The following DNER variants were observed in gnomAD, a reference collection of about 807,000 sequenced individuals.
The protein encoded by DNER is delta/notch like EGF repeat containing, also known as delta and Notch-like epidermal growth factor-related receptor.
Under a neutral mutation model 78.2 loss-of-function variants are expected in DNER, and 33 were observed. The ratio of observed to expected loss-of-function variants is 0.42; its 90% CI spans 0.32 to 0.56. The LOEUF (loss-of-function observed/expected upper bound fraction) is 0.56, where lower values mean the gene tolerates loss of function less well. Ranked by LOEUF, DNER falls within the 20% of genes least tolerant of loss-of-function variation. DNER has a pLI of 0.11. For synonymous variants in DNER, 417 were observed against 384.8 expected, an observed-to-expected ratio of 1.08 and a Z score of -0.98; for missense variants, 918 against 975.3, an observed-to-expected ratio of 0.94 and a Z score of 0.78.
chr2:229,495,036 C>T (rs1695470964), intron 6 of DNER, among the ~76,000 whole-genome samples: 1 of 152,310 alleles, frequency 6.6e-6, no homozygotes, highest in East Asian at 1.9e-4. Context: ...ACAACTTTCT[C>T]ATTTTTTTGC....
intron 10 of DNER, among the ~76,000 whole-genome samples, chr2:229,393,698 T>C (rs1338353906): frequency 6.6e-6 from 1 of 151,818 alleles, no homozygotes; most frequent in Non-Finnish European, 1.5e-5. Flanking sequence ...ATACAAAAAA[T>C]TAGCCAGGCG....
At chr2:229,511,806 T>C (rs1183322602) in intron 6 of DNER, among the ~76,000 whole-genome samples, 2 of 152,208 alleles carry the variant, frequency 1.3e-5, no homozygotes, top group Non-Finnish European at 2.9e-5. Flanking sequence ...AATGGGGTAA[T>C]GCTGAAACAG....
At chr2:229,474,311 A>G (rs1241507788) in intron 7 of DNER, among the ~76,000 whole-genome samples, 2 of 152,234 alleles carry the variant, frequency 1.3e-5, no homozygotes, top group Non-Finnish European at 2.9e-5. Context: ...CAGCTTAAAA[A>G]ATGCCAGTCA....
At chr2:229,500,273 A>G (rs1695590509) in intron 6 of DNER, among the ~76,000 whole-genome samples, 1 of 152,152 alleles carries the variant, frequency 6.6e-6, no homozygotes, top group Non-Finnish European at 1.5e-5. Flanking sequence ...AATGGCCAAC[A>G]AGTATATGAA....
intron 1 of DNER, among the ~76,000 whole-genome samples, chr2:229,681,827 A>AACACTCAC (rs1699391265): frequency 6.9e-6 from 1 of 144,350 alleles, no homozygotes; most frequent in Admixed American, 6.9e-5. Flanking sequence ...CTCTGCCTAA[A>AACACTCAC]ACACACACAC....
chr2:229,395,570 C>T (rs1338153481), intron 10 of DNER, among the ~76,000 whole-genome samples: 1 of 152,166 alleles, frequency 6.6e-6, no homozygotes, highest in Non-Finnish European at 1.5e-5. Context: ...TGTACCTGCT[C>T]AAGTGTTCAG....
chr2:229,591,682 C>A lies in DNER; in HGVS notation c.483G>T (p.Glu161Asp), dbSNP rs566365683. 6.2e-6 allele frequency: 10 copies of A among 1,614,214 alleles called. No homozygotes were observed. Among genetic ancestry groups the A allele is most frequent in the Non-Finnish European group, 6.8e-6 (8 of 1,180,030 alleles). ...GAGAGCGAGGCAGGATTTTGTCAGGCTCCTGAGTAGCAGGAACAGGCTGAA... is the reference window on the plus strand; with the variant it reads ...GAGAGCGAGGCAGGATTTTGTCAGGATCCTGAGTAGCAGGAACAGGCTGAA... ...RQLQPVPATQ[E>D]PDKILPRSQA... Residue 161 changes from glutamate to aspartate, a missense_variant, in exon 2 of 13, where the codon GAG becomes GAT. By Grantham distance (45) the Glu-to-Asp change is conservative. Transcript: ENST00000341772. This position sits in a 1 kb window ranked among gnomAD's most constrained non-coding sequence, Gnocchi z 4.6.
intron 7 of DNER, among the ~76,000 whole-genome samples, chr2:229,473,852 C>T (rs1372116327): frequency 6.6e-6 from 1 of 152,204 alleles, no homozygotes; most frequent in Non-Finnish European, 1.5e-5. Context: ...TCTGCTCAGA[C>T]TTGCTCTCAG....
At chr2:229,418,391 A>T (rs1693694332) in intron 8 of DNER, among the ~76,000 whole-genome samples, 161 bp from the exon 9 acceptor site, 1 of 152,176 alleles carries the variant, frequency 6.6e-6, no homozygotes, top group East Asian at 1.9e-4. Context: ...TGAAAGGTGG[A>T]TTTGGGGGAA....
At chr2:229,365,414 G>A (rs1692322589) in intron 12 of DNER, among the ~76,000 whole-genome samples, 1 of 152,172 alleles carries the variant, frequency 6.6e-6, no homozygotes, top group African/African-American at 2.4e-5. Flanking sequence ...GTGGATATGT[G>A]CTGTTGAGAT....
chr2:229,673,957 C>T (rs1468524111), intron 1 of DNER, among the ~76,000 whole-genome samples: 1 of 152,220 alleles, frequency 6.6e-6, no homozygotes, highest in East Asian at 1.9e-4. Context: ...AGAGAGAGGA[C>T]AGGTATTTGT....
At chr2:229,703,354 AACGAAAACTACCCAT>A (rs1296860140) in intron 1 of DNER, among the ~76,000 whole-genome samples, 1 of 152,238 alleles carries the variant, frequency 6.6e-6, no homozygotes, top group Admixed American at 6.5e-5. Context: ...AAAAAAAAAG[AACGAAAACTACCCAT>A]ACATTGCACC....
chr2:229,462,279 G>T (rs1468173625), intron 7 of DNER, among the ~76,000 whole-genome samples: 5 of 152,078 alleles, frequency 3.3e-5, no homozygotes, highest in Non-Finnish European at 7.4e-5. Flanking sequence ...AGCAATAGAG[G>T]TGTCAGAAAT....
chr2:229,700,894 A>G (rs888489827), intron 1 of DNER, among the ~76,000 whole-genome samples: 4 of 145,676 alleles, frequency 2.7e-5, no homozygotes, highest in Non-Finnish European at 6.0e-5. Context: ...CTCCGTCTCA[A>G]AAAAAAAAAA....
At chr2:229,679,512 A>G (rs1346905511) in intron 1 of DNER, among the ~76,000 whole-genome samples, 2 of 152,134 alleles carry the variant, frequency 1.3e-5, no homozygotes, top group East Asian at 3.9e-4. Context: ...TTGAAACAGA[A>G]TGATTATAGT....
intron 11 of DNER, among the ~76,000 whole-genome samples, chr2:229,375,309 A>G (rs551338786): frequency 1.3e-5 from 2 of 152,308 alleles, no homozygotes; most frequent in Admixed American, 6.5e-5. Context: ...TACATTTACT[A>G]TCCCATTTAT....
At chr2:229,602,422 G>A (rs1697847786) in intron 1 of DNER, among the ~76,000 whole-genome samples, 1 of 152,130 alleles carries the variant, frequency 6.6e-6, no homozygotes, top group Non-Finnish European at 1.5e-5. Flanking sequence ...CTGAAACTGG[G>A]AAGAAAGCAA....
At chr2:229,571,911 C>A (rs774593293) in intron 4 of DNER, among the ~76,000 whole-genome samples, 6 of 152,106 alleles carry the variant, frequency 3.9e-5, no homozygotes, top group African/African-American at 1.4e-4. Flanking sequence ...CCAAAAGCTA[C>A]TCCATAACAC....
intron 5 of DNER, among the ~76,000 whole-genome samples, chr2:229,523,777 G>T (rs13394533): frequency 6.6e-6 from 1 of 152,112 alleles, no homozygotes; most frequent in Non-Finnish European, 1.5e-5. Context: ...ACTGTATTCA[G>T]CCTCTTATCC....
Sources: gnomAD v4.1 joint callset for allele counts (sites outside exome capture counted in the v4.1 genomes callset) on GRCh38, gnomAD v4.1.1 for gene constraint, Gnocchi (gnomAD v3.1) non-coding constraint, MANE v1.5 for transcripts, NCBI Gene and HGNC (gene_info 2026-07-23, HGNC 2026-07-21) for gene names.